The following ACTR3C variants were observed in gnomAD, a reference collection of about 807,000 sequenced individuals.
ACTR3C encodes the protein actin-related protein 3C.
A neutral mutation model predicts 26.3 loss-of-function variants in ACTR3C; 18 were observed. That is an observed-to-expected ratio of 0.68 (90% CI 0.47 to 1.01). ACTR3C has a LOEUF of 1.01. ACTR3C is among the 50% of genes least tolerant of loss of function. ACTR3C has a pLI of 0.00. For synonymous variants in ACTR3C, 55 were observed against 94.5 expected, an observed-to-expected ratio of 0.58 and a Z score of 2.42; for missense variants, 184 against 250.7, an observed-to-expected ratio of 0.73 and a Z score of 1.80.
At chr7:150,172,034 T>A in the ACTR3C span, among the ~76,000 whole-genome samples, 1 of 150,604 alleles carries the variant, frequency 6.6e-6, no homozygotes, top group Admixed American at 6.6e-5. Context: ...ATGGTCTCGA[T>A]CTCCTGACCT....
the ACTR3C span, among the ~76,000 whole-genome samples, chr7:150,075,928 A>G: frequency 6.6e-6 from 1 of 152,192 alleles, no homozygotes; most frequent in African/African-American, 2.4e-5. Flanking sequence ...GACTCCATTT[A>G]TGACAGTACA....
the ACTR3C span, among the ~76,000 whole-genome samples, chr7:149,899,738 T>A: frequency 6.7e-6 from 1 of 150,172 alleles, no homozygotes; most frequent in African/African-American, 2.5e-5. Context: ...AAACAATGGC[T>A]AAAACTGCCA....
downstream of ACTR3C, among the ~76,000 whole-genome samples, chr7:150,241,208 A>T (rs1261090075): frequency 6.6e-6 from 1 of 152,146 alleles, no homozygotes; most frequent in Non-Finnish European, 1.5e-5. Context: ...GATTTTGAAA[A>T]AGTATAAAGT....
At chr7:150,136,531 A>C in the ACTR3C span, among the ~76,000 whole-genome samples, 3 of 151,958 alleles carry the variant, frequency 2.0e-5, no homozygotes, top group Non-Finnish European at 2.9e-5. Context: ...TTGGCCAGGC[A>C]TGGTGGGGGG....
At chr7:150,146,426 CCTTTT>C in the ACTR3C span, among the ~76,000 whole-genome samples, 2 of 152,164 alleles carry the variant, frequency 1.3e-5, no homozygotes, top group African/African-American at 4.8e-5. Flanking sequence ...GTTCTTTTCT[CCTTTT>C]CTTACCAATT....
intron 1 of ACTR3C, among the ~76,000 whole-genome samples, chr7:150,319,612 T>A (rs956587464): frequency 4.6e-5 from 7 of 152,226 alleles, no homozygotes; most frequent in Admixed American, 1.3e-4. Flanking sequence ...CCTTTGACTT[T>A]GGGAAGATGG....
At chr7:150,117,418 G>A in the ACTR3C span, among the ~76,000 whole-genome samples, 1 of 152,212 alleles carries the variant, frequency 6.6e-6, no homozygotes, top group Non-Finnish European at 1.5e-5. Context: ...CGCCATTACT[G>A]AGGCTTGAGT....
At chr7:150,089,206 T>C in the ACTR3C span, among the ~76,000 whole-genome samples, 160 of 152,314 alleles carry the variant, frequency 1.1e-3, 6 homozygotes, top group South Asian at 0.032. Flanking sequence ...TACTCCCTAT[T>C]GAGAAAAGCA....
At chr7:150,005,971 G>A in the ACTR3C span, among the ~76,000 whole-genome samples, 7 of 152,066 alleles carry the variant, frequency 4.6e-5, no homozygotes, top group East Asian at 3.9e-4. Flanking sequence ...GCCATAGACC[G>A]CTCAAAATAC....
chr7:149,912,771 G>GT, the ACTR3C span, among the ~76,000 whole-genome samples: 2 of 151,968 alleles, frequency 1.3e-5, no homozygotes, highest in Non-Finnish European at 2.9e-5. Flanking sequence ...AAAGTGCTGG[G>GT]TTACAGGCGT....
the ACTR3C span, among the ~76,000 whole-genome samples, chr7:150,076,991 C>T: frequency 1.3e-5 from 2 of 151,842 alleles, no homozygotes; most frequent in Non-Finnish European, 2.9e-5. Context: ...ATGGTGAAAC[C>T]CTGTCTGTAT....
chr7:150,195,111 A>ATATG, the ACTR3C span, among the ~76,000 whole-genome samples: 2 of 141,184 alleles, frequency 1.4e-5, no homozygotes, highest in Non-Finnish European at 3.1e-5. Flanking sequence ...ATATATGTAT[A>ATATG]TATATATATA....
intron 2 of ACTR3C, among the ~76,000 whole-genome samples, chr7:150,293,797 G>T (rs988549104): frequency 3.3e-5 from 5 of 152,166 alleles, no homozygotes; most frequent in Admixed American, 2.0e-4. Context: ...TTAGCCAGGC[G>T]TGGTGACACG....
At chr7:150,117,898 A>G in the ACTR3C span, among the ~76,000 whole-genome samples, 1 of 152,160 alleles carries the variant, frequency 6.6e-6, no homozygotes, top group East Asian at 1.9e-4. Context: ...GCAGGCAGCA[A>G]TCTTTGCTGT....
chr7:149,945,324 TC>T, the ACTR3C span, among the ~76,000 whole-genome samples: 5 of 140,836 alleles, frequency 3.6e-5, no homozygotes, highest in African/African-American at 7.6e-5. Flanking sequence ...AGTGACAACC[TC>T]CCAGCAAGGG....
chr7:150,037,897 C>A, the ACTR3C span, among the ~76,000 whole-genome samples: 72 of 129,074 alleles, frequency 5.6e-4, 2 homozygotes, highest in African/African-American at 1.8e-3. Flanking sequence ...GGAAGAGGGG[C>A]TCGCTCTCAG....
the ACTR3C span, among the ~76,000 whole-genome samples, chr7:150,037,857 C>T: frequency 3.0e-4 from 30 of 100,356 alleles, 1 homozygote; most frequent in Admixed American, 1.2e-3. Flanking sequence ...GCCTCCGCCC[C>T]CAGCGATGGG....
At chr7:149,984,162 T>C in the ACTR3C span, among the ~76,000 whole-genome samples, 2 of 152,044 alleles carry the variant, frequency 1.3e-5, no homozygotes, top group East Asian at 3.9e-4. Flanking sequence ...TTTAGTTATG[T>C]TTTTTTCCCT....
the ACTR3C span, among the ~76,000 whole-genome samples, chr7:150,111,689 G>A: frequency 2.4e-5 from 3 of 127,034 alleles, no homozygotes; most frequent in African/African-American, 9.8e-5. Flanking sequence ...CCAGAGAGCC[G>A]CCCTCCTCCG....
Sources: gnomAD v4.1 joint callset for allele counts (sites outside exome capture counted in the v4.1 genomes callset) on GRCh38, gnomAD v4.1.1 for gene constraint, MANE v1.5 for transcripts, NCBI Gene and HGNC (gene_info 2026-07-23, HGNC 2026-07-21) for gene names.